Variants in DSCAML1 observed in about 807,000 individuals in gnomAD.
The protein encoded by DSCAML1 is DS cell adhesion molecule like 1.
DSCAML1 carries 38 observed loss-of-function variants against 200.5 expected under a neutral mutation model. The observed-to-expected ratio is 0.19, with a 90% CI of 0.15 to 0.25. The LOEUF (loss-of-function observed/expected upper bound fraction) is 0.25, where lower values mean the gene tolerates loss of function less well. Among genes scored for constraint, DSCAML1 ranks in the 10% least tolerant of loss-of-function variants. The pLI is 1.00. For missense variants in DSCAML1, 2,223 were observed against 2,858.8 expected (o/e 0.78, Z 5.07); for synonymous variants, 1,215 against 1,165.0 (o/e 1.04, Z -0.87).
Position 117,663,202 on chromosome 11 carries a change from A to G in DSCAML1, c.511+113589T>C, listed in dbSNP as rs572098696. Among the ~76,000 whole-genome samples, 9 of 152,356 alleles carry G rather than the reference A, an allele frequency of 5.9e-5. No individual in the cohort carries two copies. The East Asian group carries it at 1.7e-3, about 29-fold the overall frequency. On this transcript the variant is annotated intron_variant, in intron 3 of 32. Coordinates refer to ENST00000651296, the MANE Select transcript of DSCAML1 (RefSeq NM_020693.4). The stretch of plus-strand genomic sequence containing the variant: ...CTTCGATATCCTTGCTATATCGCAG[A>G]GTCAGCCCTGACAGCCTGCCCACCT...
At position 117,462,541 on chromosome 11, in the gene DSCAML1, C is replaced by T. The variant is rs369453449; in HGVS notation, c.3266-945G>A. On this transcript the variant is annotated intron_variant, in intron 17 of 32. Coordinates refer to ENST00000651296, the MANE Select transcript of DSCAML1 (RefSeq NM_020693.4). ...GGCTGGCTGGAAGGAAATTAGATCC[C>T]GTTGCCCCACAAGAGGCAACTCTAA... Among the ~76,000 whole-genome samples the T allele has an allele frequency of 1.8e-4, 28 of 152,298 alleles. No individual in the cohort carries two copies. In the East Asian group the frequency reaches 4.4e-3, roughly 24 times the overall value.
At chr11:117,707,289 C>A (rs1346876063) in intron 3 of DSCAML1, among the ~76,000 whole-genome samples, 1 of 152,170 alleles carries the variant, frequency 6.6e-6, no homozygotes, top group Non-Finnish European at 1.5e-5. Flanking sequence ...CTTCTGGAAG[C>A]CAGAAATATG....
chr11:117,431,738 CAG>C lies in DSCAML1; in HGVS notation c.5180-12_5180-11del, dbSNP rs2047801100. 5.3e-6 allele frequency: 8 copies of C among 1,520,134 alleles called. No homozygotes were observed. Among genetic ancestry groups the C allele is most frequent in the Non-Finnish European group, 5.3e-6 (6 of 1,126,568 alleles). The allele number at this position is 1,520,134 out of a possible 1,614,324, so 94.2% of individuals were successfully genotyped here. ...TTCCTGGACACTGGATCTGCACAGA[CAG>C]AAGCAAGAAATTGCATCCTCCAACC... On this transcript the variant is annotated splice_polypyrimidine_tract_variant and intron_variant, in intron 30 of 32. Coordinates refer to ENST00000651296, the MANE Select transcript of DSCAML1 (RefSeq NM_020693.4).
chr11:117,687,401 C>T (rs951115050), intron 3 of DSCAML1, among the ~76,000 whole-genome samples: 2 of 142,694 alleles, frequency 1.4e-5, no homozygotes, highest in African/African-American at 2.5e-5. Flanking sequence ...ATTAGGACTA[C>T]AGGTGTGCTC....
At position 117,428,502 on chromosome 11, in the gene DSCAML1, G is replaced by A. The variant is rs1452210417; in HGVS notation, c.5988C>T (p.Pro1996=). The A allele has an allele frequency of 6.6e-7, 1 of 1,517,464 alleles. No individual in the cohort carries two copies. The highest frequency in any genetic ancestry group is 8.9e-7 in the Non-Finnish European group (1 of 1,127,722). 94.0% of individuals were successfully genotyped at this position (1,517,464 alleles called of 1,614,324 possible). A position where few individuals can be genotyped will look rare whatever the true frequency, so the allele number is the denominator to read the frequency against. The change falls in exon 33 of 33, where the codon CCC becomes CCT. Residue 1996 remains proline, a synonymous_variant. Transcript: ENST00000651296. ...PAPGPTPAEP[P]TAPSAAPPAP... ...CCGGAGGGGCAGCGCTGGGGGCGGT[G>A]GGTGGCTCAGCAGGGGTGGGGCCGG...
At chr11:117,640,139 T>C (rs1054675071) in intron 3 of DSCAML1, among the ~76,000 whole-genome samples, 25 of 152,334 alleles carry the variant, frequency 1.6e-4, no homozygotes, top group Admixed American at 9.8e-4. Context: ...AGCTCAGGTC[T>C]CAGTGCTTGG....
At chr11:117,623,277 C>T (rs1219608056) in intron 3 of DSCAML1, among the ~76,000 whole-genome samples, 3 of 132,680 alleles carry the variant, frequency 2.3e-5, no homozygotes, top group Admixed American at 9.6e-5. Context: ...AGTGCAGTGG[C>T]GTGATCTCAG....
Position 117,428,638 on chromosome 11 carries a change from T to C in DSCAML1, c.5852A>G (p.Lys1951Arg). The C allele has an allele frequency of 1.2e-6, 2 of 1,611,250 alleles. No individual in the cohort carries two copies. Among genetic ancestry groups the C allele is most frequent in the East Asian group, 2.2e-5 (1 of 44,812 alleles). ...CCCTGGGTGGGGAAGGCCCAAGGAC[T>C]TGCTGGCAGGGTCCAGGGTCAGGTG... is the stretch of plus-strand genomic sequence containing the variant. ...ARHLTLDPAS[K>R]SLGLPHPGAP... Residue 1951 changes from lysine to arginine, a missense_variant, in exon 33 of 33, where the codon AAG (lysine) becomes AGG (arginine). Around this residue, in one of 7 missense-constraint regions of DSCAML1, gnomAD observed 280 missense variants for 213.4 expected, o/e 1.31. Transcript: ENST00000651296.
At chr11:117,789,048 G>T (rs770297875) in intron 1 of DSCAML1, among the ~76,000 whole-genome samples, 2 of 152,136 alleles carry the variant, frequency 1.3e-5, no homozygotes, top group African/African-American at 4.8e-5. Flanking sequence ...ACCAAAAAAC[G>T]CTCCCCATTT....
chr11:117,441,978 G>C (rs2048059269), intron 21 of DSCAML1, among the ~76,000 whole-genome samples: 1 of 152,098 alleles, frequency 6.6e-6, no homozygotes, highest in South Asian at 2.1e-4. Flanking sequence ...GGGTGTGTGT[G>C]CATATGTGTG....
intron 3 of DSCAML1, among the ~76,000 whole-genome samples, chr11:117,553,966 C>T (rs1343867538): frequency 6.6e-6 from 1 of 152,252 alleles, no homozygotes; most frequent in Non-Finnish European, 1.5e-5. Context: ...GAATATTATT[C>T]AGCCTTTAAA....
At chr11:117,799,482 A>G (rs2134083453), upstream of DSCAML1, among the ~76,000 whole-genome samples, 1 of 152,246 alleles carries the variant, frequency 6.6e-6, no homozygotes, top group Non-Finnish European at 1.5e-5. Context: ...GCTTTAAAGA[A>G]CCACAACATG....
At chr11:117,533,666 G>A (rs761062550) in intron 3 of DSCAML1, among the ~76,000 whole-genome samples, 28 of 152,292 alleles carry the variant, frequency 1.8e-4, no homozygotes, top group Non-Finnish European at 2.8e-4. Context: ...AGGTGGCAGC[G>A]TGCCCACTTT....
chr11:117,428,911 T>C, intron 32 of DSCAML1, 108 bp from the exon 33 acceptor site: 2 of 1,095,712 alleles, frequency 1.8e-6, no homozygotes, highest in Non-Finnish European at 2.6e-6. Context: ...TGATTTGGCA[T>C]AGGGGCCCCT....
In DSCAML1 at chr11:117,482,390, G is replaced by A. The variant is rs527282804; in HGVS notation, c.2360-228C>T. On this transcript the variant is annotated intron_variant, in intron 11 of 32. Transcript: ENST00000651296. Reference sequence around the variant, plus strand: ...CACATTCCTCTTCTGGGGAGGGAGTGGCCTGTGCTCAGAATGCTTTTACAG... The same window carrying A: ...CACATTCCTCTTCTGGGGAGGGAGTAGCCTGTGCTCAGAATGCTTTTACAG... Among the ~76,000 whole-genome samples the A allele has an allele frequency of 5.3e-5, 8 of 152,260 alleles. No individual in the cohort carries two copies. In the East Asian group the frequency reaches 1.5e-3, roughly 29 times the overall value.
chr11:117,556,132 CGTTATGAG>C (rs2050554964), intron 3 of DSCAML1, among the ~76,000 whole-genome samples: 1 of 152,048 alleles, frequency 6.6e-6, no homozygotes, highest in South Asian at 2.1e-4. Flanking sequence ...CTCAGAGGCG[CGTTATGAG>C]AATTACAGGA....
intron 17 of DSCAML1, among the ~76,000 whole-genome samples, chr11:117,464,632 G>C (rs980576189): frequency 1.3e-5 from 2 of 152,146 alleles, no homozygotes; most frequent in Admixed American, 6.5e-5. Flanking sequence ...AAGGAGGAAG[G>C]CCAAGGGAGA....
At chr11:117,680,730 C>T (rs180818099) in intron 3 of DSCAML1, among the ~76,000 whole-genome samples, 3 of 152,322 alleles carry the variant, frequency 2.0e-5, no homozygotes, top group Admixed American at 2.0e-4. Flanking sequence ...AATCCTTCCG[C>T]TTTGCCAAGG....
rs747978526 is a variant in DSCAML1, at chr11:117,471,931, G to C, written c.2891C>G (p.Ser964Cys). Residue 964 changes from serine to cysteine, a missense_variant, in exon 15 of 33, where the codon TCT (serine) becomes TGT (cysteine). Coordinates refer to ENST00000651296, the MANE Select transcript of DSCAML1 (RefSeq NM_020693.4). ...PASVYSIRMY[S>C]FNKIGRSEPS... The stretch of plus-strand genomic sequence containing the variant: ...TTCACTGCGGCCAATCTTGTTGAAA[G>C]AGTACATGCGGATGCTGTACACAGA... The C allele has an allele frequency of 7.4e-6, 12 of 1,613,982 alleles. No homozygotes were observed. In the Admixed American group the frequency reaches 1.8e-4, roughly 25 times the overall value.
Sources: gnomAD v4.1 joint callset for allele counts (sites outside exome capture counted in the v4.1 genomes callset) on GRCh38, gnomAD v4.1.1 for gene constraint, gnomAD v4.1.1 regional missense constraint, MANE v1.5 for transcripts, NCBI Gene and HGNC (gene_info 2026-07-23, HGNC 2026-07-21) for gene names.